PDE1C: variants seen among roughly 807,000 people sequenced by gnomAD.
PDE1C encodes dual specificity calcium/calmodulin-dependent 3',5'-cyclic nucleotide phosphodiesterase 1C.
Under a neutral mutation model 93.1 loss-of-function variants are expected in PDE1C, and 62 were observed. The observed-to-expected ratio is 0.67, with a 90% CI of 0.54 to 0.82. The LOEUF is 0.82. PDE1C is among the 40% of genes least tolerant of loss of function. PDE1C has a pLI of 0.00. For missense variants in PDE1C, 742 were observed against 884.6 expected (o/e 0.84, Z 2.04); for synonymous variants, 325 against 310.1 (o/e 1.05, Z -0.50).
At chr7:32,323,228 A>C (rs1464913522) in intron 1 of PDE1C, among the ~76,000 whole-genome samples, 2 of 152,184 alleles carry the variant, frequency 1.3e-5, no homozygotes, top group African/African-American at 4.8e-5. Context: ...AGAATAGAAA[A>C]AGCCAAAATA....
At chr7:31,631,696 A>G in the PDE1C span, among the ~76,000 whole-genome samples, 1 of 152,210 alleles carries the variant, frequency 6.6e-6, no homozygotes, top group Non-Finnish European at 1.5e-5. Context: ...GGAAGAAAGG[A>G]AGGGAAGAAT....
intron 2 of PDE1C, among the ~76,000 whole-genome samples, chr7:31,951,607 G>A (rs1298640243): frequency 6.6e-6 from 1 of 152,216 alleles, no homozygotes; most frequent in Non-Finnish European, 1.5e-5. Context: ...AGTGGTCTGG[G>A]ATTTCTCCCT....
chr7:31,827,139 G>A (rs923096954), intron 12 of PDE1C, among the ~76,000 whole-genome samples: 4 of 152,004 alleles, frequency 2.6e-5, no homozygotes, highest in African/African-American at 7.3e-5. Context: ...GGCTTGATAC[G>A]TCCCTCACTA....
intron 14 of PDE1C, among the ~76,000 whole-genome samples, chr7:31,819,058 T>A (rs1011474057): frequency 6.6e-6 from 1 of 152,120 alleles, no homozygotes; most frequent in African/African-American, 2.4e-5. Flanking sequence ...CAAGTTTACA[T>A]GAATGAATGG....
chr7:32,055,316 G>A (rs530904493), intron 1 of PDE1C, among the ~76,000 whole-genome samples: 2 of 152,230 alleles, frequency 1.3e-5, no homozygotes, highest in African/African-American at 4.8e-5. Context: ...CATTTGTTGA[G>A]CACCTCCTCT....
intron 1 of PDE1C, among the ~76,000 whole-genome samples, chr7:32,254,498 A>G (rs1166073515): frequency 6.6e-6 from 1 of 152,238 alleles, no homozygotes; most frequent in Non-Finnish European, 1.5e-5. Flanking sequence ...AAATGTAGCC[A>G]GAAAGCCCGA....
At chr7:32,100,216 A>G (rs1385910978) in intron 3 of PDE1C, among the ~76,000 whole-genome samples, 1 of 152,190 alleles carries the variant, frequency 6.6e-6, no homozygotes, top group Non-Finnish European at 1.5e-5. Context: ...ACATTTCTAT[A>G]TGTCCCAACA....
At chr7:32,147,322 A>AAGAAAGAAAG (rs1563352989) in intron 3 of PDE1C, among the ~76,000 whole-genome samples, 2 of 144,030 alleles carry the variant, frequency 1.4e-5, no homozygotes, top group African/African-American at 5.7e-5. Flanking sequence ...GAAAGAAAGA[A>AAGAAAGAAAG]AGAAAGAAAG....
At chr7:31,621,172 G>C in the PDE1C span, among the ~76,000 whole-genome samples, 1 of 152,166 alleles carries the variant, frequency 6.6e-6, no homozygotes, top group Admixed American at 6.5e-5. Context: ...AACCAAACTG[G>C]AAAACAATCT....
At chr7:32,314,701 T>C (rs758078634) in intron 1 of PDE1C, among the ~76,000 whole-genome samples, 4 of 152,074 alleles carry the variant, frequency 2.6e-5, no homozygotes, top group Non-Finnish European at 5.9e-5. Flanking sequence ...AGAAGGTAAC[T>C]CTTCTCAGTG....
At chr7:31,902,931 C>T (rs1800162550) in intron 2 of PDE1C, among the ~76,000 whole-genome samples, 1 of 151,608 alleles carries the variant, frequency 6.6e-6, no homozygotes, top group Non-Finnish European at 1.5e-5. Context: ...TCTTCCTAAA[C>T]CAAATGCTGA....
At position 31,809,075 on chromosome 7, in the gene PDE1C, TTGTC is replaced by T. The variant is rs754879394; in HGVS notation, c.1843_1846del (p.Asp615ArgfsTer81). 14 of 1,595,338 alleles carry T rather than the reference TTGTC, an allele frequency of 8.8e-6. No individual in the cohort carries two copies. Among genetic ancestry groups the T allele is most frequent in the East Asian group, 4.5e-5 (2 of 44,554 alleles). The stretch of plus-strand genomic sequence containing the variant: ...ATTTCCGATGTTAGAGTGATCCTTC[TTGTC>T]TGTCTTATTTTTACCATCTTTGAAG... On this transcript the variant is annotated frameshift_variant, in exon 16 of 18. Coordinates refer to ENST00000396191, the MANE Select transcript of PDE1C (RefSeq NM_001191057.4). LOFTEE classifies it high-confidence loss of function.
At chr7:32,360,669 G>A (rs1267554141) in intron 1 of PDE1C, among the ~76,000 whole-genome samples, 1 of 152,178 alleles carries the variant, frequency 6.6e-6, no homozygotes, top group Non-Finnish European at 1.5e-5. Context: ...TTTGAAATTT[G>A]TACTAATTTA....
intron 1 of PDE1C, among the ~76,000 whole-genome samples, chr7:32,223,592 C>T (rs1475512145): frequency 6.6e-6 from 1 of 152,172 alleles, no homozygotes; most frequent in Non-Finnish European, 1.5e-5. Context: ...TCTCAAGCAC[C>T]TATCAATATC....
chr7:32,299,283 C>T (rs768128915), exon 1 of PDE1C: 10 of 986,528 alleles, frequency 1.0e-5, no homozygotes, highest in Non-Finnish European at 1.2e-5. Context: ...AAAGGCAAAC[C>T]CCTCAGCCAT....
At chr7:32,229,610 T>A (rs1313267753) in intron 1 of PDE1C, among the ~76,000 whole-genome samples, 1 of 152,202 alleles carries the variant, frequency 6.6e-6, no homozygotes, top group African/African-American at 2.4e-5. Flanking sequence ...CTGACAGTGA[T>A]AGAATCACAG....
At chr7:31,683,121 A>G in the PDE1C span, among the ~76,000 whole-genome samples, 8 of 152,210 alleles carry the variant, frequency 5.3e-5, no homozygotes, top group Admixed American at 4.6e-4. Flanking sequence ...AACTCAATAC[A>G]CACAGACAGA....
intron 17 of PDE1C, among the ~76,000 whole-genome samples, chr7:31,769,532 C>T (rs1795348169): frequency 6.6e-6 from 1 of 152,172 alleles, no homozygotes; most frequent in Non-Finnish European, 1.5e-5. Context: ...TTCTCCATAT[C>T]CTGCTAAAAT....
intron 1 of PDE1C, among the ~76,000 whole-genome samples, chr7:32,383,341 A>G (rs1426011135): frequency 6.6e-6 from 1 of 152,196 alleles, no homozygotes; most frequent in Non-Finnish European, 1.5e-5. Context: ...TGACTACTCA[A>G]AGGCTGAGGT....
Sources: gnomAD v4.1 joint callset for allele counts (sites outside exome capture counted in the v4.1 genomes callset) on GRCh38, gnomAD v4.1.1 for gene constraint, MANE v1.5 for transcripts, NCBI Gene and HGNC (gene_info 2026-07-23, HGNC 2026-07-21) for gene names.